CNTNAP2: variants seen among roughly 807,000 people sequenced by gnomAD.
The protein encoded by CNTNAP2 is contactin-associated protein-like 2.
In CNTNAP2, 98 loss-of-function variants were observed where a neutral mutation model predicts 155.2. The ratio of observed to expected loss-of-function variants is 0.63; its 90% CI spans 0.54 to 0.75. CNTNAP2 has a LOEUF of 0.75. Among genes scored for constraint, CNTNAP2 ranks in the 30% least tolerant of loss-of-function variants. The pLI is 0.00. For missense variants in CNTNAP2, 1,727 were observed against 1,688.1 expected (o/e 1.02, Z -0.40); for synonymous variants, 651 against 631.2 (o/e 1.03, Z -0.47).
At chr7:146,209,778 C>G (rs905176297) in intron 1 of CNTNAP2, among the ~76,000 whole-genome samples, 3 of 152,044 alleles carry the variant, frequency 2.0e-5, no homozygotes, top group African/African-American at 7.2e-5. Flanking sequence ...AGTAAAACTT[C>G]CATCTATAGA....
chr7:147,896,476 G>A (rs1050202003), intron 13 of CNTNAP2, among the ~76,000 whole-genome samples: 1 of 152,142 alleles, frequency 6.6e-6, no homozygotes, highest in South Asian at 2.1e-4. Flanking sequence ...GTCTCCCCAA[G>A]CATTTGGGGA....
chr7:146,239,444 T>A (rs935522858), intron 1 of CNTNAP2, among the ~76,000 whole-genome samples: 2 of 152,190 alleles, frequency 1.3e-5, no homozygotes, highest in African/African-American at 4.8e-5. Flanking sequence ...ATAGTCGCAG[T>A]TAGTGAACCC....
At chr7:147,014,571 A>G (rs1798685558) in intron 3 of CNTNAP2, among the ~76,000 whole-genome samples, 1 of 152,164 alleles carries the variant, frequency 6.6e-6, no homozygotes, top group African/African-American at 2.4e-5. Context: ...TAATCCAAAT[A>G]TTTAATATTT....
At chr7:148,153,020 C>CAA (rs373499312) in intron 17 of CNTNAP2, among the ~76,000 whole-genome samples, 8,210 of 22,614 alleles carry the variant, frequency 0.36, 2,198 homozygotes, top group East Asian at 0.47. Flanking sequence ...GACTCCGTCT[C>CAA]AAAAAAAAAA....
chr7:148,389,114 G>GA (rs755461897), intron 22 of CNTNAP2, among the ~76,000 whole-genome samples: 5 of 152,308 alleles, frequency 3.3e-5, no homozygotes, highest in Admixed American at 1.3e-4. Flanking sequence ...CTCATGCTGG[G>GA]AGCTGTAGAC....
chr7:146,397,870 G>GGT (rs1554428065), intron 1 of CNTNAP2, among the ~76,000 whole-genome samples: 2,615 of 117,140 alleles, frequency 0.022, 144 homozygotes, highest in African/African-American at 0.12. Context: ...AATTTGACAG[G>GGT]CTTTTATTTA....
chr7:146,977,382 G>T (rs1281542009), intron 3 of CNTNAP2, among the ~76,000 whole-genome samples: 1 of 152,140 alleles, frequency 6.6e-6, no homozygotes, highest in East Asian at 1.9e-4. Flanking sequence ...GAATAGAAAT[G>T]TAAGAGAATA....
chr7:148,349,825 A>C lies in CNTNAP2; in HGVS notation c.3476-33824A>C, dbSNP rs373369132. 9.2e-5 allele frequency among the ~76,000 whole-genome samples: 14 copies of C among 152,378 alleles called. 2 individuals are homozygous for C. The highest frequency in any genetic ancestry group is 6.8e-3 in the Middle Eastern group (2 of 294). On this transcript the variant is annotated intron_variant, in intron 21 of 23. Coordinates refer to ENST00000361727, the MANE Select transcript of CNTNAP2 (RefSeq NM_014141.6). ...TAGCAGGACCAAAGACCCTGAGGTCAGACAAGGCCGGCATTTACCTGAACA... is the reference window on the plus strand; with the variant it reads ...TAGCAGGACCAAAGACCCTGAGGTCCGACAAGGCCGGCATTTACCTGAACA...
At chr7:146,483,672 T>G (rs535609930) in intron 1 of CNTNAP2, among the ~76,000 whole-genome samples, 1 of 151,772 alleles carries the variant, frequency 6.6e-6, no homozygotes, top group South Asian at 2.1e-4. Flanking sequence ...GTCTTATTTT[T>G]TACAAAAACA....
chr7:147,138,540 A>C (rs554385576), intron 8 of CNTNAP2, among the ~76,000 whole-genome samples: 1 of 152,046 alleles, frequency 6.6e-6, no homozygotes, highest in Admixed American at 6.6e-5. Context: ...GTGTGGCTGT[A>C]CCACTATCAT....
intron 13 of CNTNAP2, among the ~76,000 whole-genome samples, chr7:147,888,903 G>T (rs1799642026): frequency 6.6e-6 from 1 of 151,904 alleles, no homozygotes; most frequent in Admixed American, 6.6e-5. Context: ...AAAGAAAATA[G>T]TAAAATGTCA....
rs1379203373 is a variant in CNTNAP2, at chr7:146,533,196, T to G, written c.98-241075T>G. The stretch of plus-strand genomic sequence containing the variant: ...TTCTAGAAATTTTGCAAAAATTTTA[T>G]GAAAAACAAATGACCAAGTGAACAC... On this transcript the variant is annotated intron_variant, in intron 1 of 23. Coordinates refer to ENST00000361727, the MANE Select transcript of CNTNAP2 (RefSeq NM_014141.6). 2.7e-5 allele frequency among the ~76,000 whole-genome samples: 4 copies of G among 149,460 alleles called. No homozygotes were observed. The East Asian group carries it at 7.9e-4, about 30-fold the overall frequency.
chr7:146,687,628 G>A (rs992701063), intron 1 of CNTNAP2, among the ~76,000 whole-genome samples: 1 of 152,046 alleles, frequency 6.6e-6, no homozygotes, highest in East Asian at 1.9e-4. Context: ...AGATAATTAT[G>A]GCTTTTTAAA....
At chr7:146,990,367 G>T (rs1456745131) in intron 3 of CNTNAP2, among the ~76,000 whole-genome samples, 1 of 152,134 alleles carries the variant, frequency 6.6e-6, no homozygotes, top group Non-Finnish European at 1.5e-5. Flanking sequence ...ACAAAAACAA[G>T]TGTATCCCCA....
At chr7:147,222,849 G>A (rs1397478447) in intron 8 of CNTNAP2, among the ~76,000 whole-genome samples, 2 of 149,346 alleles carry the variant, frequency 1.3e-5, no homozygotes, top group African/African-American at 5.0e-5. Flanking sequence ...TCGTTAGGTG[G>A]GACAGGATGG....
chr7:148,314,632 C>T (rs1167281701), intron 21 of CNTNAP2, among the ~76,000 whole-genome samples: 2 of 151,678 alleles, frequency 1.3e-5, no homozygotes, highest in Non-Finnish European at 2.9e-5. Context: ...GCGGTACTTG[C>T]CGCTGAGGGT....
chr7:147,686,497 T>G (rs1357814845), intron 13 of CNTNAP2, among the ~76,000 whole-genome samples: 5 of 151,934 alleles, frequency 3.3e-5, no homozygotes, highest in Non-Finnish European at 5.9e-5. Flanking sequence ...ATATGTGGAT[T>G]TTGTCAGTGT....
chr7:148,326,497 C>T (rs1284116877), intron 21 of CNTNAP2, among the ~76,000 whole-genome samples: 1 of 152,190 alleles, frequency 6.6e-6, no homozygotes. Flanking sequence ...CTGGACCAAA[C>T]TAACCAGCAT....
chr7:147,094,399 C>CTTT (rs55694542), intron 4 of CNTNAP2, among the ~76,000 whole-genome samples: 2,340 of 132,930 alleles, frequency 0.018, 114 homozygotes, highest in African/African-American at 0.061. Context: ...ATTATTATTC[C>CTTT]TTTTTTTTTT....
Sources: allele counts gnomAD v4.1 joint callset (sites outside exome capture counted in the v4.1 genomes callset), GRCh38; gene constraint gnomAD v4.1.1; transcripts MANE v1.5; gene names NCBI Gene and HGNC (gene_info 2026-07-23, HGNC 2026-07-21).